CORO7: variants seen among roughly 807,000 people sequenced by gnomAD.
CORO7 encodes coronin 7.
Under a neutral mutation model 126.6 loss-of-function variants are expected in CORO7, and 107 were observed. That is an observed-to-expected ratio of 0.85 (90% CI 0.72 to 0.99). The LOEUF (loss-of-function observed/expected upper bound fraction) is 0.99. Among genes scored for constraint, CORO7 ranks in the 50% least tolerant of loss-of-function variants. CORO7 has a pLI of 0.00. For missense variants in CORO7, 1,314 were observed against 1,255.8 expected, an observed-to-expected ratio of 1.05 and a Z score of -0.70; for synonymous variants, 603 against 536.8, an observed-to-expected ratio of 1.12 and a Z score of -1.70.
At position 4,385,352 on chromosome 16, in the gene CORO7, G is replaced by A. The variant is rs530698888; in HGVS notation, c.785+2634C>T. On this transcript the variant is annotated intron_variant, in intron 9 of 27. Transcript: ENST00000251166. ...AGCCACGGGTGGGGCTGCCGGCCAC[G>A]CGGGAGGGCTTAGGGCCACTGTGAG... Among the ~76,000 whole-genome samples the A allele has an allele frequency of 9.2e-5, 14 of 152,214 alleles. No homozygotes were observed. In the South Asian group the frequency reaches 2.5e-3, roughly 27 times the overall value.
intron 9 of CORO7, among the ~76,000 whole-genome samples, chr16:4,384,620 A>G (rs995406570): frequency 2.0e-5 from 3 of 152,210 alleles, no homozygotes; most frequent in Admixed American, 1.3e-4. Context: ...TGTTGATGTC[A>G]GTGCCGAGTC....
At chr16:4,399,851 A>G (rs995013604) in intron 6 of CORO7, among the ~76,000 whole-genome samples, 1 of 152,102 alleles carries the variant, frequency 6.6e-6, no homozygotes, top group Non-Finnish European at 1.5e-5. Flanking sequence ...AAAAAAAAAG[A>G]AGAAGGTAAA....
At position 4,365,509 on chromosome 16, in the gene CORO7, G is replaced by A. The variant is rs1178765318; in HGVS notation, c.822C>T (p.Leu274=). The stretch of plus-strand genomic sequence containing the variant: ...CACTCACCTTTCCTGCCAGGACCAG[G>A]AGCCCAGAGTCAGGGTCCAGCAGAG... ...LVPLLDPDSG[L]LVLAGKGERQ... Residue 274 remains leucine, a synonymous_variant, in exon 10 of 28, where the codon CTC becomes CTT. Coordinates refer to ENST00000251166, the MANE Select transcript of CORO7 (RefSeq NM_024535.5). The A allele has an allele frequency of 1.3e-6, 2 of 1,577,994 alleles. No homozygotes were observed. Among genetic ancestry groups the A allele is most frequent in the Non-Finnish European group, 1.7e-6 (2 of 1,162,240 alleles).
intron 6 of CORO7, among the ~76,000 whole-genome samples, 188 bp downstream of exon 6, chr16:4,405,303 G>A (rs757631092): frequency 6.6e-6 from 1 of 152,254 alleles, no homozygotes; most frequent in Non-Finnish European, 1.5e-5. Flanking sequence ...CCTAGGCAAG[G>A]TAGGGGCTTC....
chr16:4,370,931 G>T (rs2054501745), intron 9 of CORO7, among the ~76,000 whole-genome samples: 1 of 152,222 alleles, frequency 6.6e-6, no homozygotes, highest in African/African-American at 2.4e-5. Context: ...GCCCCCAAAG[G>T]CTCTGAGGCA....
chr16:4,387,900 C>T, intron 9 of CORO7, 86 bp downstream of exon 9: 3 of 1,545,416 alleles, frequency 1.9e-6, no homozygotes, highest in Non-Finnish European at 2.6e-6. Flanking sequence ...ATCAGCCCGC[C>T]TCACTGACAG....
intron 1 of CORO7, chr16:4,415,748 A>T: frequency 3.0e-6 from 3 of 985,476 alleles, no homozygotes; most frequent in Non-Finnish European, 2.4e-6. Flanking sequence ...CAGAGCTGAC[A>T]TCGTTTCCAA....
intron 1 of CORO7, chr16:4,415,961 C>A (rs2056394623): frequency 2.3e-6 from 2 of 872,842 alleles, no homozygotes; most frequent in Non-Finnish European, 2.8e-6. Context: ...GGGGCGCGTG[C>A]GGCCGAGGGG....
intron 16 of CORO7, 91 bp downstream of exon 16, chr16:4,361,894 G>A: frequency 6.6e-7 from 1 of 1,525,038 alleles, no homozygotes; most frequent in South Asian, 1.2e-5. Context: ...CAAGGTTTGT[G>A]CTCCCTGTGT....
chr16:4,381,297 G>A, intron 9 of CORO7: 2 of 1,612,360 alleles, frequency 1.2e-6, no homozygotes, highest in Middle Eastern at 3.3e-4. Flanking sequence ...GCCACATCCA[G>A]CCTGGTGCCT....
chr16:4,357,105 G>C, intron 26 of CORO7, 63 bp downstream of exon 26: 3 of 1,600,272 alleles, frequency 1.9e-6, no homozygotes, highest in Non-Finnish European at 2.6e-6. Context: ...AGAACTAAGG[G>C]GCCGTGGCCA....
intron 6 of CORO7, among the ~76,000 whole-genome samples, chr16:4,399,588 T>C (rs2055727731): frequency 1.3e-5 from 2 of 152,194 alleles, no homozygotes; most frequent in South Asian, 2.1e-4. Flanking sequence ...AGTGTAAATA[T>C]ACTTAACACT....
chr16:4,358,158 C>T (rs1031504940), intron 24 of CORO7, 55 bp from the exon 25 acceptor site: 21 of 1,581,388 alleles, frequency 1.3e-5, no homozygotes, highest in African/African-American at 2.7e-5. Context: ...CCAGGGCACA[C>T]GGGCATCTGT....
chr16:4,393,753 T>C (rs947197484), intron 7 of CORO7, among the ~76,000 whole-genome samples: 35 of 152,172 alleles, frequency 2.3e-4, no homozygotes, highest in African/African-American at 8.4e-4. Flanking sequence ...GACCCTAAAC[T>C]TCACCTTCCT....
chr16:4,391,502 G>C (rs1210895407), intron 7 of CORO7, among the ~76,000 whole-genome samples: 1 of 152,210 alleles, frequency 6.6e-6, no homozygotes, highest in African/African-American at 2.4e-5. Flanking sequence ...CTCGCAGTGA[G>C]CCGAGACTGT....
intron 6 of CORO7, among the ~76,000 whole-genome samples, chr16:4,399,392 T>C (rs1025765254): frequency 6.6e-6 from 1 of 152,134 alleles, no homozygotes; most frequent in Non-Finnish European, 1.5e-5. Context: ...AAAGAGCAAA[T>C]AGTATATGAT....
At chr16:4,371,221 G>A (rs1022227055) in intron 9 of CORO7, among the ~76,000 whole-genome samples, 1 of 152,218 alleles carries the variant, frequency 6.6e-6, no homozygotes, top group Non-Finnish European at 1.5e-5. Context: ...GGGGAAGAGA[G>A]TCCAGGGCTG....
At chr16:4,414,841 C>T (rs539086289) in intron 1 of CORO7, among the ~76,000 whole-genome samples, 3 of 152,180 alleles carry the variant, frequency 2.0e-5, no homozygotes, top group East Asian at 1.9e-4. Flanking sequence ...AACCTAGGTA[C>T]CTCCTCCTAA....
rs186347497 is a variant in CORO7, at chr16:4,400,092, A to G, written c.565-4753T>C. On this transcript the variant is annotated intron_variant, in intron 6 of 27. Transcript: ENST00000251166. ...GAACAGGTGGAACCCAGGGGATGTT[A>G]AGAGCAGTGAAACTACTCCGTATAG... Among the ~76,000 whole-genome samples the G allele has an allele frequency of 9.5e-4, 144 of 152,314 alleles. 1 individual carries two copies. Among genetic ancestry groups the G allele is most frequent in the African/African-American group, 3.4e-3 (140 of 41,568 alleles).
Sources: gnomAD v4.1 joint callset for allele counts (sites outside exome capture counted in the v4.1 genomes callset) on GRCh38, gnomAD v4.1.1 for gene constraint, MANE v1.5 for transcripts, NCBI Gene and HGNC (gene_info 2026-07-23, HGNC 2026-07-21) for gene names.